Variants in PCDH15 observed in about 807,000 individuals in gnomAD.
PCDH15 encodes the protein protocadherin related 15.
PCDH15 carries 129 observed loss-of-function variants against 178.5 expected under a neutral mutation model. That is an observed-to-expected ratio of 0.72 (90% confidence interval 0.63 to 0.84). The LOEUF (loss-of-function observed/expected upper bound fraction) is 0.84. Ranked by LOEUF, PCDH15 falls within the 40% of genes least tolerant of loss-of-function variation. The probability of loss-of-function intolerance (pLI) is 0.00; values close to 1 mark genes in which losing one functional copy is unlikely to be tolerated. For missense variants in PCDH15, 2,230 were observed against 2,099.9 expected, an observed-to-expected ratio of 1.06 and a Z score of -1.21; for synonymous variants, 800 against 732.0, an observed-to-expected ratio of 1.09 and a Z score of -1.50.
intron 13 of PCDH15, among the ~76,000 whole-genome samples, chr10:54,179,666 A>G (rs940411777): frequency 6.6e-6 from 1 of 152,210 alleles, no homozygotes; most frequent in Non-Finnish European, 1.5e-5. Flanking sequence ...AATTGGCTGC[A>G]TATTAGAACT....
intron 2 of PCDH15, among the ~76,000 whole-genome samples, chr10:55,327,375 T>C (rs1043565060): frequency 2.0e-5 from 3 of 151,850 alleles, no homozygotes; most frequent in Non-Finnish European, 2.9e-5. Context: ...TGAAATAATA[T>C]AGACCCAATG....
intron 1 of PCDH15, among the ~76,000 whole-genome samples, chr10:54,751,851 T>G (rs1566124549): frequency 6.6e-6 from 1 of 152,188 alleles, no homozygotes; most frequent in Non-Finnish European, 1.5e-5. Flanking sequence ...AGTGATGTTA[T>G]AAAACTTTTT....
chr10:54,019,639 C>T (rs1395933346), intron 20 of PCDH15, among the ~76,000 whole-genome samples: 3 of 152,060 alleles, frequency 2.0e-5, no homozygotes, highest in Non-Finnish European at 4.4e-5. Context: ...TCATCTGGCA[C>T]ATGGTATTAT....
chr10:54,370,985 A>G (rs1272504250), intron 4 of PCDH15, among the ~76,000 whole-genome samples: 1 of 151,916 alleles, frequency 6.6e-6, no homozygotes, highest in Non-Finnish European at 1.5e-5. Flanking sequence ...GAAATCACAC[A>G]TAGCTCTGTG....
intron 2 of PCDH15, among the ~76,000 whole-genome samples, chr10:55,113,679 T>C (rs1205001918): frequency 6.6e-6 from 1 of 152,190 alleles, no homozygotes; most frequent in Non-Finnish European, 1.5e-5. Context: ...CAGGGGCTAA[T>C]CTTGAAATTC....
intron 1 of PCDH15, among the ~76,000 whole-genome samples, chr10:55,296,865 T>A (rs1238173634): frequency 6.6e-6 from 1 of 152,190 alleles, no homozygotes; most frequent in Admixed American, 6.5e-5. Context: ...CATCTCATAT[T>A]GTCCCTTTGT....
chr10:55,346,505 G>A (rs188516608), intron 2 of PCDH15, among the ~76,000 whole-genome samples: 5 of 152,178 alleles, frequency 3.3e-5, no homozygotes, highest in African/African-American at 1.2e-4. Context: ...ATCATAGAAT[G>A]AAACCTCCTT....
chr10:54,845,427 G>C (rs955031941), intron 3 of PCDH15, among the ~76,000 whole-genome samples: 1 of 151,996 alleles, frequency 6.6e-6, no homozygotes, highest in Non-Finnish European at 1.5e-5. Flanking sequence ...TCAAACTAGA[G>C]AATGAAACAT....
At chr10:54,181,490 C>G (rs887614458) in intron 13 of PCDH15, among the ~76,000 whole-genome samples, 3 of 151,924 alleles carry the variant, frequency 2.0e-5, no homozygotes, top group Non-Finnish European at 4.4e-5. Flanking sequence ...ATTCTGTCAC[C>G]CAGATACTGA....
chr10:54,388,696 T>C (rs911809049), intron 3 of PCDH15, among the ~76,000 whole-genome samples: 2 of 152,194 alleles, frequency 1.3e-5, no homozygotes. Context: ...TCCTTCACCT[T>C]AAAATAAAAT....
At chr10:54,367,099 G>A (rs1359700288) in intron 5 of PCDH15, among the ~76,000 whole-genome samples, 2 of 152,142 alleles carry the variant, frequency 1.3e-5, no homozygotes, top group East Asian at 1.9e-4. Flanking sequence ...GACTTGCATG[G>A]TAGGGAGGAT....
At chr10:54,685,903 T>C (rs999324839) in intron 1 of PCDH15, among the ~76,000 whole-genome samples, 1 of 152,112 alleles carries the variant, frequency 6.6e-6, no homozygotes, top group Admixed American at 6.6e-5. Context: ...TCCAAAAAAT[T>C]GTAAATTGAA....
At chr10:53,960,608 C>T (rs2088194088) in intron 22 of PCDH15, among the ~76,000 whole-genome samples, 1 of 152,130 alleles carries the variant, frequency 6.6e-6, no homozygotes, top group African/African-American at 2.4e-5. Flanking sequence ...ACTTTCAGAA[C>T]TATGTGCTTC....
intron 2 of PCDH15, 37 bp from the exon 3 acceptor site, chr10:54,527,914 G>A (rs775675933): frequency 3.0e-5 from 46 of 1,524,476 alleles, no homozygotes; most frequent in Non-Finnish European, 3.6e-5. Context: ...ATAATTGACT[G>A]CAGGGGCACA....
chr10:55,270,712 G>C (rs1009763888), intron 1 of PCDH15, among the ~76,000 whole-genome samples: 3 of 152,160 alleles, frequency 2.0e-5, no homozygotes, highest in African/African-American at 7.2e-5. Context: ...AGTTTGTTCA[G>C]CCACTGTGGA....
At chr10:54,466,766 T>G (rs2136587750) in intron 3 of PCDH15, among the ~76,000 whole-genome samples, 1 of 152,156 alleles carries the variant, frequency 6.6e-6, no homozygotes, top group African/African-American at 2.4e-5. Flanking sequence ...ATGGTCACTT[T>G]AATGATGTTA....
chr10:55,051,025 C>G (rs1006924100), intron 2 of PCDH15, among the ~76,000 whole-genome samples: 1 of 152,068 alleles, frequency 6.6e-6, no homozygotes, highest in African/African-American at 2.4e-5. Context: ...CATGTAACTA[C>G]TGCTAATTGT....
chr10:54,261,960 G>A (rs1286547422), intron 8 of PCDH15, among the ~76,000 whole-genome samples: 1 of 152,002 alleles, frequency 6.6e-6, no homozygotes, highest in Non-Finnish European at 1.5e-5. Context: ...GGAAGAAATG[G>A]GGCAGTCTGC....
At chr10:54,444,289 A>G (rs2076014273) in intron 3 of PCDH15, among the ~76,000 whole-genome samples, 1 of 151,728 alleles carries the variant, frequency 6.6e-6, no homozygotes, top group African/African-American at 2.4e-5. Context: ...AGTACACTAC[A>G]TGATTCCGGG....
Sources: allele counts gnomAD v4.1 joint callset (sites outside exome capture counted in the v4.1 genomes callset), GRCh38; gene constraint gnomAD v4.1.1; transcripts MANE v1.5; gene names NCBI Gene and HGNC (gene_info 2026-07-23, HGNC 2026-07-21).